The following COIL variants were observed in gnomAD, a reference collection of about 807,000 sequenced individuals.
The protein encoded by COIL is coilin p80.
A neutral mutation model predicts 51.6 loss-of-function variants in COIL; 28 were observed. That is an observed-to-expected ratio of 0.54 (90% confidence interval 0.40 to 0.74). The LOEUF (loss-of-function observed/expected upper bound fraction) is 0.74. Ranked by LOEUF, COIL falls within the 30% of genes least tolerant of loss-of-function variation. The pLI is 0.00. For synonymous variants in COIL, 233 were observed against 255.8 expected, an observed-to-expected ratio of 0.91 and a Z score of 0.85; for missense variants, 667 against 685.9, an observed-to-expected ratio of 0.97 and a Z score of 0.31.
chr17:56,949,580 T>C, intron 3 of COIL, 101 bp downstream of exon 3: 1 of 1,386,164 alleles, frequency 7.2e-7, no homozygotes, highest in Non-Finnish European at 1.0e-6. Context: ...GGGGTTCCAG[T>C]GGGAAGGGCT....
chr17:56,940,565 T>C (rs889339151), intron 6 of COIL, among the ~76,000 whole-genome samples: 11 of 152,214 alleles, frequency 7.2e-5, no homozygotes, highest in African/African-American at 2.7e-4. Context: ...CTGCTGATCC[T>C]ACCACAAACA....
At chr17:56,956,317 C>T (rs2144404959) in intron 1 of COIL, among the ~76,000 whole-genome samples, 1 of 152,310 alleles carries the variant, frequency 6.6e-6, no homozygotes, top group Middle Eastern at 3.4e-3. Context: ...TGGCTCACTG[C>T]AGCCTCAACT....
At chr17:56,951,123 C>G (rs1424627206) in intron 1 of COIL, 127 bp from the exon 2 acceptor site, 4 of 935,864 alleles carry the variant, frequency 4.3e-6, no homozygotes, top group Non-Finnish European at 6.1e-6. Context: ...TGTCACATCA[C>G]TTAAAGACAA....
intron 1 of COIL, among the ~76,000 whole-genome samples, chr17:56,953,782 T>A (rs3785474): frequency 0.17 from 26,269 of 152,118 alleles, 2,569 homozygotes; most frequent in African/African-American, 0.25. Context: ...AAACTAACTA[T>A]ACAGACAAAC....
chr17:56,947,287 A>G (rs1359843960), intron 4 of COIL, among the ~76,000 whole-genome samples: 1 of 152,166 alleles, frequency 6.6e-6, no homozygotes, highest in African/African-American at 2.4e-5. Flanking sequence ...ATTTTTGGAG[A>G]CAAGGTTAAT....
In COIL at chr17:56,950,940, T is replaced by C. The variant is rs757768276; in HGVS notation, c.302A>G (p.Asp101Gly). ...AENSVVISNG[D>G]INLSLRKAKK... ...TGCTTTTCTAAGAGATAAATTAATGTCACCATTACTGATGACTACAGAATT... is the reference window on the plus strand; with the variant it reads ...TGCTTTTCTAAGAGATAAATTAATGCCACCATTACTGATGACTACAGAATT... The change falls in exon 2 of 7, where the codon GAC (aspartate) becomes GGC (glycine). Residue 101 changes from aspartate (D) to glycine (G), a missense_variant. Transcript: ENST00000240316. 3.1e-6 allele frequency: 5 copies of C among 1,612,596 alleles called. No individual in the cohort carries two copies. In the East Asian group the frequency reaches 8.9e-5, roughly 29 times the overall value.
At position 56,946,521 on chromosome 17, in the gene COIL, A is replaced by G. The variant is rs1322040457; in HGVS notation, c.1489-10T>C. ...TTAATATTCTTCCTTCCTTTCAAAA[A>G]TAAAAGTCCAAGTCAAAATCAACAT... On this transcript the variant is annotated splice_polypyrimidine_tract_variant and intron_variant, in intron 4 of 6. Coordinates refer to ENST00000240316, the MANE Select transcript of COIL (RefSeq NM_004645.3). 5 of 1,594,438 alleles carry G rather than the reference A, an allele frequency of 3.1e-6. No homozygotes were observed. Among genetic ancestry groups the G allele is most frequent in the Admixed American group, 3.4e-5 (2 of 59,578 alleles).
rs1910314101 is a variant in COIL at position 56,949,541 on chromosome 17, G to A, written c.1441-107C>T. ...GGCGTGTCCACCCCGACCAGTCTGG[G>A]AGCCCTACCAGGAACCCGTAACAAC... On this transcript the variant is annotated intron_variant, in intron 3 of 6. Coordinates refer to ENST00000240316, the MANE Select transcript of COIL (RefSeq NM_004645.3). The A allele has an allele frequency of 1.1e-5, 16 of 1,407,544 alleles. No individual in the cohort carries two copies. The South Asian group carries it at 1.5e-4, about 13-fold the overall frequency. The allele number at this position is 1,407,544 out of a possible 1,614,324, so 87.2% of individuals were successfully genotyped here. A position where few individuals can be genotyped will look rare whatever the true frequency, so the allele number is the denominator to read the frequency against.
chr17:56,955,306 G>A (rs1312153331), intron 1 of COIL, among the ~76,000 whole-genome samples: 5 of 152,086 alleles, frequency 3.3e-5, no homozygotes, highest in East Asian at 1.9e-4. Context: ...CAGCTGATTC[G>A]CCCGCCTCGG....
intron 1 of COIL, among the ~76,000 whole-genome samples, chr17:56,959,810 G>A (rs1910550090): frequency 6.6e-6 from 1 of 152,248 alleles, no homozygotes. Flanking sequence ...AGCTAAGCGC[G>A]GATGTGCTAA....
At chr17:56,955,950 G>C (rs1292943333) in intron 1 of COIL, among the ~76,000 whole-genome samples, 1 of 152,088 alleles carries the variant, frequency 6.6e-6, no homozygotes, top group East Asian at 1.9e-4. Context: ...AAACAGAAAA[G>C]AATGACATAC....
intron 1 of COIL, among the ~76,000 whole-genome samples, chr17:56,954,327 C>T (rs1254205947): frequency 1.3e-5 from 2 of 152,058 alleles, no homozygotes; most frequent in Non-Finnish European, 2.9e-5. Flanking sequence ...CTTTGGGAGG[C>T]TGAGGTGGGC....
In COIL at chr17:56,946,435, G is replaced by GAAATT; in HGVS notation, c.1558+6_1558+7insAATTT. 1 of 1,581,982 alleles carries GAAATT rather than the reference G, an allele frequency of 6.3e-7. No individual in the cohort carries two copies. The highest frequency in any genetic ancestry group is 8.7e-7 in the Non-Finnish European group (1 of 1,152,542). ...TACATTTTCAAATTATTTTCTAAAA[G>GAAATT]ACTCACCAGGTAAGGATGAAAGAAT... On this transcript the variant is annotated splice_region_variant and intron_variant, in intron 5 of 6. Transcript: ENST00000240316.
Position 56,950,526 on chromosome 17 carries a change from C to T in COIL, c.716G>A (p.Cys239Tyr). 1.2e-6 allele frequency: 2 copies of T among 1,614,210 alleles called. No individual in the cohort carries two copies. Among genetic ancestry groups the T allele is most frequent in the Non-Finnish European group, 1.7e-6 (2 of 1,180,036 alleles). Residue 239 changes from cysteine to tyrosine, a missense_variant, in exon 2 of 7, where the codon TGC (cysteine) becomes TAC (tyrosine). By Grantham distance (194) the Cys-to-Tyr change is radical. Transcript: ENST00000240316. ...GGAGGAACTGGGACTCTCTTTTGAG[C>T]AAACGCTTACACTACCTTTCCTTTT... Reference protein sequence around the residue: ...KAKRKGSVSVCSKESPSSSSE... With the variant: ...KAKRKGSVSVYSKESPSSSSE...
Position 56,949,726 on chromosome 17 carries a change from T to C in COIL, c.1395A>G (p.Pro465=), listed in dbSNP as rs2144397976. ...CAACTTGAGGGGCAGCTGCTAACAG[T>C]GGTAACAGACTATAGTCCTTCTTGG... ...ETPKKDYSLL[P]LLAAAPQVGE... The change falls in exon 3 of 7, where the codon CCA becomes CCG. Residue 465 remains proline, a synonymous_variant. Transcript: ENST00000240316. The C allele has an allele frequency of 1.9e-6, 3 of 1,614,190 alleles. No individual in the cohort carries two copies. Among genetic ancestry groups the C allele is most frequent in the East Asian group, 4.5e-5 (2 of 44,884 alleles).
intron 1 of COIL, 79 bp from the exon 2 acceptor site, chr17:56,951,075 ACT>A (rs1451080208): frequency 7.6e-7 from 1 of 1,309,998 alleles, no homozygotes; most frequent in African/African-American, 1.5e-5. Context: ...TACTGAGATG[ACT>A]CTACAAAATG....
chr17:56,946,639 T>C (rs937575752), intron 4 of COIL, 128 bp from the exon 5 acceptor site: 4 of 592,914 alleles, frequency 6.7e-6, no homozygotes, highest in Non-Finnish European at 1.2e-5. Context: ...TTTATCTCAG[T>C]TGAAAAATTT....
chr17:56,943,293 T>C (rs1910182728), intron 5 of COIL, among the ~76,000 whole-genome samples: 1 of 152,252 alleles, frequency 6.6e-6, no homozygotes, highest in Non-Finnish European at 1.5e-5. Flanking sequence ...TCTTTGTTTT[T>C]GCTGGTGTCA....
At chr17:56,942,385 G>C (rs1338691922) in intron 5 of COIL, among the ~76,000 whole-genome samples, 1 of 152,046 alleles carries the variant, frequency 6.6e-6, no homozygotes, top group East Asian at 1.9e-4. Context: ...AGTACTACCA[G>C]AATTGAATAT....
Sources: allele counts gnomAD v4.1 joint callset (sites outside exome capture counted in the v4.1 genomes callset), GRCh38; gene constraint gnomAD v4.1.1; transcripts MANE v1.5; gene names NCBI Gene and HGNC (gene_info 2026-07-23, HGNC 2026-07-21).